SOX6: variants seen among roughly 807,000 people sequenced by gnomAD.
The protein encoded by SOX6 is transcription factor SOX-6.
SOX6 carries 11 observed loss-of-function variants against 97.8 expected under a neutral mutation model. That is an observed-to-expected ratio of 0.11 (90% CI 0.07 to 0.19). The LOEUF (loss-of-function observed/expected upper bound fraction) is 0.19, where lower values mean the gene tolerates loss of function less well. Ranked by LOEUF, SOX6 falls within the 10% of genes least tolerant of loss-of-function variation. SOX6 has a pLI of 1.00. For synonymous variants in SOX6, 360 were observed against 371.4 expected, an observed-to-expected ratio of 0.97 and a Z score of 0.35; for missense variants, 810 against 1,039.5, an observed-to-expected ratio of 0.78 and a Z score of 3.04.
intron 3 of SOX6, among the ~76,000 whole-genome samples, chr11:16,245,633 A>C (rs1253017627): frequency 6.6e-6 from 1 of 151,746 alleles, no homozygotes; most frequent in Non-Finnish European, 1.5e-5. Context: ...ATACATGTAT[A>C]TATGCAGAAA....
At chr11:16,697,145 C>T (rs117963655) in intron 3 of SOX6, among the ~76,000 whole-genome samples, 3,660 of 152,282 alleles carry the variant, frequency 0.024, 71 homozygotes, top group Middle Eastern at 0.068. Flanking sequence ...ACTTCTGATT[C>T]TACTTCTAAT....
chr11:16,266,474 C>A (rs1418823878), intron 3 of SOX6, among the ~76,000 whole-genome samples: 1 of 151,340 alleles, frequency 6.6e-6, no homozygotes, highest in African/African-American at 2.4e-5. Flanking sequence ...TCTGTATCTA[C>A]AAAAAGGAAT....
At chr11:16,718,395 C>T (rs1322422294) in intron 2 of SOX6, among the ~76,000 whole-genome samples, 1 of 152,134 alleles carries the variant, frequency 6.6e-6, no homozygotes, top group Non-Finnish European at 1.5e-5. Flanking sequence ...AATGTGCCCA[C>T]TTATGCTTTC....
At chr11:16,380,090 C>T (rs1857766597) in intron 1 of SOX6, among the ~76,000 whole-genome samples, 1 of 151,268 alleles carries the variant, frequency 6.6e-6, no homozygotes, top group Non-Finnish European at 1.5e-5. Flanking sequence ...AGTGTATATA[C>T]CTTAATATAA....
rs532302197 is a variant in SOX6, at chr11:16,308,807, A to C, written c.445+9639T>G. 2.0e-5 allele frequency among the ~76,000 whole-genome samples: 3 copies of C among 152,338 alleles called. No homozygotes were observed. The East Asian group carries it at 5.8e-4, about 29-fold the overall frequency. ...CTAACAAACCTAGTAATCACAGTCCAGTAGAAGAACGACGATATTCTTGTG... is the reference window on the plus strand; with the variant it reads ...CTAACAAACCTAGTAATCACAGTCCCGTAGAAGAACGACGATATTCTTGTG... On this transcript the variant is annotated intron_variant, in intron 3 of 15. Transcript: ENST00000683767.
At position 16,111,876 on chromosome 11, in the gene SOX6, G is replaced by C; in HGVS notation, c.825C>G (p.Asp275Glu). ...CAGCAGCTGCTGCCAGAGTCCGCTG[G>C]TCATGTGGAAAAATTGGGATCATGA... The part of the protein sequence containing the change: ...PPLMIPIFPH[D>E]QRTLAAAAAA... The change falls in exon 7 of 16, where the codon GAC becomes GAG. Residue 275 changes from aspartate (D) to glutamate (E), a missense_variant. By Grantham distance (45) the Asp-to-Glu change is conservative. This residue lies in a region of SOX6 where 244 missense variants were observed against 261.0 expected (regional missense o/e 0.93). Transcript: ENST00000683767. 1 of 1,612,696 alleles carries C rather than the reference G, an allele frequency of 6.2e-7. No homozygotes were observed. Among genetic ancestry groups the C allele is most frequent in the Non-Finnish European group, 8.5e-7 (1 of 1,179,952 alleles).
intron 4 of SOX6, among the ~76,000 whole-genome samples, chr11:16,207,033 C>T (rs535597574): frequency 6.6e-6 from 1 of 152,166 alleles, no homozygotes; most frequent in East Asian, 1.9e-4. Flanking sequence ...TAGCACACAC[C>T]GACCCCTACT....
intron 3 of SOX6, among the ~76,000 whole-genome samples, chr11:16,301,141 C>A (rs915045265): frequency 6.6e-6 from 1 of 152,048 alleles, no homozygotes; most frequent in Non-Finnish European, 1.5e-5. Flanking sequence ...ATGTGAGAAA[C>A]AAACTTATAT....
In SOX6 at chr11:16,207,464, G is replaced by T. The variant is rs868370771; in HGVS notation, c.536-20509C>A. 3.3e-5 allele frequency among the ~76,000 whole-genome samples: 5 copies of T among 151,886 alleles called. No individual in the cohort carries two copies. In the East Asian group the frequency reaches 9.7e-4, roughly 30 times the overall value. ...CAAAAAATTAGCCAGGCATGGTGGCGGGCACCTGTAGTCCCAGCTACTCGG... is the reference window on the plus strand; with the variant it reads ...CAAAAAATTAGCCAGGCATGGTGGCTGGCACCTGTAGTCCCAGCTACTCGG... On this transcript the variant is annotated intron_variant, in intron 4 of 15. Transcript: ENST00000683767.
intron 4 of SOX6, among the ~76,000 whole-genome samples, chr11:16,548,057 C>T (rs1236736340): frequency 1.3e-5 from 2 of 151,952 alleles, no homozygotes; most frequent in Non-Finnish European, 2.9e-5. Context: ...TATAAAGGAA[C>T]AAAAATGAGA....
In SOX6 at chr11:16,248,808, T is replaced by G. The variant is rs1404977332; in HGVS notation, c.446-14137A>C. On this transcript the variant is annotated intron_variant, in intron 3 of 15. Transcript: ENST00000683767. Reference sequence around the variant, plus strand: ...TCCCCATTGTCTTAGTGACTAACACTTGGCTCCAGCTGGGCACGGTGGCTC... The same window carrying G: ...TCCCCATTGTCTTAGTGACTAACACGTGGCTCCAGCTGGGCACGGTGGCTC... Among the ~76,000 whole-genome samples the G allele has an allele frequency of 4.6e-5, 7 of 152,160 alleles. No homozygotes were observed. The East Asian group carries it at 1.4e-3, about 29-fold the overall frequency.
chr11:16,035,162 T>A (rs942960806), intron 12 of SOX6, among the ~76,000 whole-genome samples: 2 of 152,202 alleles, frequency 1.3e-5, no homozygotes, highest in African/African-American at 4.8e-5. Context: ...CAGCCATATA[T>A]AATGTGTGAC....
In SOX6 at chr11:16,063,602, A is replaced by G. The variant is rs534894808; in HGVS notation, c.1102-7701T>C. ...TTTAGGATCTCTAATGGAGTGTGCC[A>G]AACAGAAAAAGTACAAGGCCTTTTC... On this transcript the variant is annotated intron_variant, in intron 9 of 15. Transcript: ENST00000683767. 1.7e-4 allele frequency among the ~76,000 whole-genome samples: 23 copies of G among 136,448 alleles called. 1 individual carries two copies. The East Asian group carries it at 3.3e-3, about 20-fold the overall frequency. 89.5% of individuals were successfully genotyped at this position (136,448 alleles called of 152,430 possible).
In SOX6 at chr11:16,430,187, C is replaced by T. The variant is rs77526813; in HGVS notation, c.-5+46128G>A. Among the ~76,000 whole-genome samples, 573 of 152,200 alleles carry T rather than the reference C, an allele frequency of 3.8e-3. 3 individuals carry two copies. The highest frequency in any genetic ancestry group is 0.013 in the African/African-American group (536 of 41,544). On this transcript the variant is annotated intron_variant, in intron 1 of 15. Transcript: ENST00000396356. The stretch of plus-strand genomic sequence containing the variant: ...AAAACATTTTACATATTGCTTACCC[C>T]GACCCCAGCCCTTTTACTTTGTCAT...
rs371788124 is a variant in SOX6 at position 16,255,292 on chromosome 11, C to T, written c.446-20621G>A. Among the ~76,000 whole-genome samples, 53 of 152,120 alleles carry T rather than the reference C, an allele frequency of 3.5e-4. No individual in the cohort carries two copies. The East Asian group carries it at 4.8e-3, about 14-fold the overall frequency. ...TGATATCTATAGACTACTTCATCCA[C>T]CAACAGCAGTTTACACATTCTTCTC... On this transcript the variant is annotated intron_variant, in intron 3 of 15. Coordinates refer to ENST00000683767, the MANE Select transcript of SOX6 (RefSeq NM_001367873.1).
intron 3 of SOX6, among the ~76,000 whole-genome samples, chr11:16,275,595 A>G (rs373746201): frequency 5.1e-4 from 78 of 152,348 alleles, no homozygotes; most frequent in African/African-American, 1.8e-3. Context: ...TTTTCCTCCT[A>G]TCACCTAAGA....
chr11:16,300,220 G>A lies in SOX6; in HGVS notation c.445+18226C>T, dbSNP rs1399205620. 6.6e-6 allele frequency among the ~76,000 whole-genome samples: 1 copy of A among 152,026 alleles called. No individual in the cohort carries two copies. The highest frequency in any genetic ancestry group is 2.4e-5 in the African/African-American group (1 of 41,380). On this transcript the variant is annotated intron_variant, in intron 3 of 15. Coordinates refer to ENST00000683767, the MANE Select transcript of SOX6 (RefSeq NM_001367873.1). The surrounding 1 kb of genome is among the most constrained non-coding windows in gnomAD (Gnocchi z 4.1). ...GTTGTTCAAATTATTTCTCAGGCAT[G>A]ATAAGTTTCTAAACCAAATACTGAG...
intron 6 of SOX6, among the ~76,000 whole-genome samples, chr11:16,123,107 T>G (rs1849531937): frequency 6.6e-6 from 1 of 152,082 alleles, no homozygotes; most frequent in African/African-American, 2.4e-5. Context: ...TAGAGATGCC[T>G]CTAAGCTTCT....
chr11:16,402,797 A>G, intron 1 of SOX6: 1 of 1,586,878 alleles, frequency 6.3e-7, no homozygotes, highest in African/African-American at 1.3e-5. Context: ...ATGAGACAAC[A>G]ACCTTTCATG....
Sources: allele counts gnomAD v4.1 joint callset (sites outside exome capture counted in the v4.1 genomes callset), GRCh38; gene constraint gnomAD v4.1.1; regional missense constraint gnomAD v4.1.1; non-coding constraint Gnocchi (gnomAD v3.1); transcripts MANE v1.5; gene names NCBI Gene and HGNC (gene_info 2026-07-23, HGNC 2026-07-21).